Variants in HAPSTR1 observed in about 807,000 individuals in gnomAD.
HAPSTR1 encodes the protein HUWE1 associated protein modifying stress responses.
the HAPSTR1 span, chr16:9,117,045 G>A: frequency 7.5e-7 from 1 of 1,339,662 alleles, no homozygotes; most frequent in East Asian, 2.4e-5. Flanking sequence ...TATAGTGGTT[G>A]CCATAAAAGG....
the HAPSTR1 span, chr16:9,105,671 T>C: frequency 6.6e-6 from 1 of 152,222 alleles, no homozygotes; most frequent in Non-Finnish European, 1.5e-5. Context: ...GTAAATACAA[T>C]GTCACAATTC....
the HAPSTR1 span, chr16:9,108,492 T>C: frequency 6.6e-6 from 1 of 152,132 alleles, no homozygotes; most frequent in Non-Finnish European, 1.5e-5. Context: ...GGCCTCAAAA[T>C]GCATACCCTT....
At chr16:9,109,971 A>C in the HAPSTR1 span, 2 of 152,094 alleles carry the variant, frequency 1.3e-5, no homozygotes, top group Non-Finnish European at 2.9e-5. Context: ...GTGAATACCA[A>C]GCACTGTTTA....
At chr16:9,101,708 A>C in the HAPSTR1 span, among the ~76,000 whole-genome samples, 1 of 150,972 alleles carries the variant, frequency 6.6e-6, no homozygotes, top group Non-Finnish European at 1.5e-5. Context: ...TAATAGTGCA[A>C]ATTCAGCTTG....
the HAPSTR1 span, among the ~76,000 whole-genome samples, chr16:9,094,181 T>A: frequency 1.3e-5 from 2 of 152,058 alleles, no homozygotes; most frequent in Non-Finnish European, 2.9e-5. Flanking sequence ...GGTAACAAAG[T>A]GGTGAAAAGA....
the HAPSTR1 span, chr16:9,102,966 TTTC>T: frequency 6.2e-7 from 1 of 1,609,128 alleles, no homozygotes; most frequent in Non-Finnish European, 8.5e-7. Flanking sequence ...ATGTTTTCTT[TTTC>T]TTTTTTTCTA....
the HAPSTR1 span, among the ~76,000 whole-genome samples, chr16:9,098,711 C>T: frequency 1.3e-5 from 2 of 152,266 alleles, no homozygotes; most frequent in East Asian, 3.9e-4. Flanking sequence ...CTGGCTAGTG[C>T]AAATTTAATT....
At chr16:9,096,794 A>C in the HAPSTR1 span, among the ~76,000 whole-genome samples, 1 of 152,156 alleles carries the variant, frequency 6.6e-6, no homozygotes, top group African/African-American at 2.4e-5. Flanking sequence ...AGGCTGAGGC[A>C]GGAGGATTGC....
the HAPSTR1 span, chr16:9,092,875 T>C: frequency 2.0e-6 from 3 of 1,493,636 alleles, no homozygotes; most frequent in Non-Finnish European, 2.7e-6. Context: ...TCTATGTGTG[T>C]TTCTTTTTTC....
At chr16:9,114,260 C>T in the HAPSTR1 span, among the ~76,000 whole-genome samples, 2 of 152,038 alleles carry the variant, frequency 1.3e-5, no homozygotes, top group East Asian at 1.9e-4. Context: ...TTTTGGGAAA[C>T]GTGTGTGGGT....
chr16:9,104,697 C>G, the HAPSTR1 span: 1 of 152,200 alleles, frequency 6.6e-6, no homozygotes, highest in Non-Finnish European at 1.5e-5. Context: ...CACACTGTTC[C>G]TGACACAGTG....
chr16:9,104,139 A>C, the HAPSTR1 span: 2 of 131,376 alleles, frequency 1.5e-5, no homozygotes, highest in Non-Finnish European at 3.2e-5. Context: ...TTGGAGACGG[A>C]GTTTCGCTCT....
chr16:9,093,103 C>T, the HAPSTR1 span: 1 of 1,189,328 alleles, frequency 8.4e-7, no homozygotes, highest in South Asian at 1.3e-5. Flanking sequence ...AGCCCAGCTG[C>T]TAACCTTGAA....
chr16:9,109,756 TTAATG>T, the HAPSTR1 span: 7 of 152,212 alleles, frequency 4.6e-5, no homozygotes, highest in South Asian at 2.1e-4. Flanking sequence ...AGTCTAGCCT[TTAATG>T]TAAGAATTTC....
At chr16:9,114,848 T>C in the HAPSTR1 span, among the ~76,000 whole-genome samples, 78 of 152,332 alleles carry the variant, frequency 5.1e-4, no homozygotes, top group South Asian at 6.6e-3. Context: ...AATGGAGATA[T>C]TATAGGTGTC....
At chr16:9,115,497 C>G in the HAPSTR1 span, among the ~76,000 whole-genome samples, 2 of 152,186 alleles carry the variant, frequency 1.3e-5, no homozygotes, top group Non-Finnish European at 1.5e-5. Flanking sequence ...TGGCCTGACT[C>G]ATACCTTTCA....
chr16:9,105,703 A>G, the HAPSTR1 span: 1 of 152,228 alleles, frequency 6.6e-6, no homozygotes, highest in African/African-American at 2.4e-5. Context: ...TTATTTGCTT[A>G]GCCAAATTTA....
At chr16:9,107,203 C>T in the HAPSTR1 span, 12 of 152,210 alleles carry the variant, frequency 7.9e-5, no homozygotes, top group Non-Finnish European at 1.3e-4. Context: ...TCTTCTGCCC[C>T]AACAGCAGAA....
chr16:9,102,597 A>G, the HAPSTR1 span, among the ~76,000 whole-genome samples: 1 of 152,208 alleles, frequency 6.6e-6, no homozygotes, highest in African/African-American at 2.4e-5. Flanking sequence ...TGTCAGTAGG[A>G]ATGTATCTCC....
Sources: allele counts gnomAD v4.1 joint callset (sites outside exome capture counted in the v4.1 genomes callset), GRCh38; gene constraint gnomAD v4.1.1; transcripts MANE v1.5; gene names NCBI Gene and HGNC (gene_info 2026-07-23, HGNC 2026-07-21).